Variants in EFNA5 observed in about 807,000 individuals in gnomAD.
EFNA5 encodes the protein ephrin A5, also known as ephrin-A5.
Under a neutral mutation model 22.9 loss-of-function variants are expected in EFNA5, and 5 were observed. That is an observed-to-expected ratio of 0.22 (90% CI 0.11 to 0.46). EFNA5 has a LOEUF of 0.46. Ranked by LOEUF, EFNA5 falls within the 20% of genes least tolerant of loss-of-function variation. EFNA5 has a pLI of 0.99. For missense variants in EFNA5, 237 were observed against 293.3 expected (o/e 0.81, Z 1.40); for synonymous variants, 113 against 112.2 (o/e 1.01, Z -0.04).
At chr5:107,666,431 T>C (rs142953475) in intron 1 of EFNA5, among the ~76,000 whole-genome samples, 57 of 152,260 alleles carry the variant, frequency 3.7e-4, no homozygotes, top group African/African-American at 1.3e-3. Flanking sequence ...AACTCCAAGA[T>C]TACGTGTTAA....
In EFNA5 at chr5:107,486,820, C is replaced by T. The variant is rs991975613; in HGVS notation, c.126-59311G>A. On this transcript the variant is annotated intron_variant, in intron 1 of 4. Coordinates refer to ENST00000333274, the MANE Select transcript of EFNA5 (RefSeq NM_001962.3). The stretch of plus-strand genomic sequence containing the variant: ...GTTTGTTACTGCAGCACAATATATT[C>T]TGTCCTGACAAATATAGATACCAAG... Among the ~76,000 whole-genome samples, 5 of 152,322 alleles carry T rather than the reference C, an allele frequency of 3.3e-5. No homozygotes were observed. The East Asian group carries it at 9.6e-4, about 29-fold the overall frequency.
chr5:107,669,673 T>C (rs532087453), intron 1 of EFNA5, among the ~76,000 whole-genome samples: 64 of 152,150 alleles, frequency 4.2e-4, no homozygotes, highest in Middle Eastern at 3.4e-3. Context: ...ACAAATCGGT[T>C]CCAGGTAATC....
intron 2 of EFNA5, among the ~76,000 whole-genome samples, chr5:107,390,059 T>C (rs1747740705): frequency 6.6e-6 from 1 of 152,232 alleles, no homozygotes; most frequent in Non-Finnish European, 1.5e-5. Context: ...ACTGCATCAC[T>C]GGCCTGAGCT....
chr5:107,483,567 A>T (rs1025547249), intron 1 of EFNA5, among the ~76,000 whole-genome samples: 3 of 152,200 alleles, frequency 2.0e-5, no homozygotes, highest in Non-Finnish European at 4.4e-5. Flanking sequence ...GATTTAAGAG[A>T]ACTCCTGACC....
chr5:107,562,262 T>C (rs1748564418), intron 1 of EFNA5, among the ~76,000 whole-genome samples: 1 of 152,138 alleles, frequency 6.6e-6, no homozygotes, highest in Non-Finnish European at 1.5e-5. Flanking sequence ...ATTTACCAAA[T>C]TAATACCAGT....
intron 1 of EFNA5, among the ~76,000 whole-genome samples, chr5:107,494,254 G>C (rs1052047266): frequency 2.6e-5 from 4 of 152,112 alleles, no homozygotes; most frequent in African/African-American, 9.7e-5. Flanking sequence ...GGAGGCGGAG[G>C]CGTGAGCTGC....
chr5:107,432,679 G>C (rs1327351427), intron 1 of EFNA5, among the ~76,000 whole-genome samples: 1 of 152,120 alleles, frequency 6.6e-6, no homozygotes, highest in African/African-American at 2.4e-5. Context: ...CAGTGTAAAA[G>C]TCTCAAGAGT....
chr5:107,418,358 A>G (rs1286325792), intron 2 of EFNA5, among the ~76,000 whole-genome samples: 1 of 152,234 alleles, frequency 6.6e-6, no homozygotes, highest in Non-Finnish European at 1.5e-5. Context: ...AGTGCATTAC[A>G]TGTTTATAAG....
intron 2 of EFNA5, among the ~76,000 whole-genome samples, chr5:107,393,409 A>T (rs1248517216): frequency 6.6e-6 from 1 of 152,232 alleles, no homozygotes; most frequent in Non-Finnish European, 1.5e-5. Flanking sequence ...TTCAGGCCCA[A>T]CACTGTACTC....
rs998993411 is a variant in EFNA5, at chr5:107,377,500, G to A, written c.*3755C>T. ...ACCACAACTCTGAGAGCAATGAATG[G>A]AAAGGAGGAGTTGAAAACTGTTTTT... is the stretch of plus-strand genomic sequence containing the variant. On this transcript the variant is annotated 3_prime_UTR_variant, in exon 5 of 5. Transcript: ENST00000333274. 3 of 152,194 alleles carry A rather than the reference G, an allele frequency of 2.0e-5. No individual in the cohort carries two copies. Among genetic ancestry groups the A allele is most frequent in the Admixed American group, 2.0e-4 (3 of 15,278 alleles). The allele number at this position is 152,194 out of a possible 1,614,324, so 9.4% of individuals were successfully genotyped here. A position where few individuals can be genotyped will look rare whatever the true frequency, so the allele number is the denominator to read the frequency against.
At chr5:107,422,231 GT>G (rs1212085746) in intron 2 of EFNA5, among the ~76,000 whole-genome samples, 8 of 152,172 alleles carry the variant, frequency 5.3e-5, no homozygotes, top group Non-Finnish European at 1.2e-4. Context: ...GTTCTTCGTA[GT>G]GCTGTTTTCA....
At chr5:107,473,818 G>A (rs1345137614) in intron 1 of EFNA5, among the ~76,000 whole-genome samples, 8 of 151,874 alleles carry the variant, frequency 5.3e-5, no homozygotes, top group African/African-American at 1.9e-4. Flanking sequence ...GTGCCACCAC[G>A]CCCAGCGAAT....
chr5:107,594,720 C>G (rs1380456134), intron 1 of EFNA5, among the ~76,000 whole-genome samples: 1 of 152,202 alleles, frequency 6.6e-6, no homozygotes, highest in East Asian at 1.9e-4. Context: ...CCCCTTCACA[C>G]AGCACTCCCC....
At chr5:107,415,754 A>G (rs1003268549) in intron 2 of EFNA5, among the ~76,000 whole-genome samples, 1 of 152,268 alleles carries the variant, frequency 6.6e-6, no homozygotes, top group Non-Finnish European at 1.5e-5. Flanking sequence ...ATGTATAGTA[A>G]CTGCAAGTCT....
chr5:107,630,545 G>A (rs1312286608), intron 1 of EFNA5, among the ~76,000 whole-genome samples: 1 of 151,930 alleles, frequency 6.6e-6, no homozygotes, highest in Admixed American at 6.6e-5. Context: ...TACCATGAAT[G>A]GAGCTTGTGG....
At chr5:107,476,906 A>G (rs1201937191) in intron 1 of EFNA5, among the ~76,000 whole-genome samples, 1 of 152,212 alleles carries the variant, frequency 6.6e-6, no homozygotes, top group East Asian at 1.9e-4. Context: ...TACACCTTAT[A>G]TAGCTTAAAA....
chr5:107,557,532 A>G (rs2161514), intron 1 of EFNA5, among the ~76,000 whole-genome samples: 40,684 of 152,138 alleles, frequency 0.27, 5,632 homozygotes, highest in South Asian at 0.4. Flanking sequence ...TTGTTTCCTC[A>G]TGTCTAAACA....
At chr5:107,613,475 C>T (rs2112522609) in intron 1 of EFNA5, among the ~76,000 whole-genome samples, 1 of 152,136 alleles carries the variant, frequency 6.6e-6, no homozygotes, top group African/African-American at 2.4e-5. Context: ...GCTTGGATGG[C>T]ATAGAATGAC....
chr5:107,650,893 G>T (rs1324750198), intron 1 of EFNA5, among the ~76,000 whole-genome samples: 1 of 152,162 alleles, frequency 6.6e-6, no homozygotes, highest in Non-Finnish European at 1.5e-5. Context: ...CTCACAATTA[G>T]CTCCAAAGAA....
Sources: gnomAD v4.1 joint callset for allele counts (sites outside exome capture counted in the v4.1 genomes callset) on GRCh38, gnomAD v4.1.1 for gene constraint, MANE v1.5 for transcripts, NCBI Gene and HGNC (gene_info 2026-07-23, HGNC 2026-07-21) for gene names.